FGF1: variants seen among roughly 807,000 people sequenced by gnomAD.
The protein encoded by FGF1 is beta-endothelial cell growth factor.
In FGF1, 9 loss-of-function variants were observed where a neutral mutation model predicts 13.4. That is an observed-to-expected ratio of 0.67 (90% CI 0.40 to 1.17). The LOEUF is 1.17. Among genes scored for constraint, FGF1 ranks in the 50% most tolerant of loss-of-function variants. The probability of loss-of-function intolerance (pLI) is 0.01; values close to 1 mark genes in which losing one functional copy is unlikely to be tolerated. For synonymous variants in FGF1, 93 were observed against 79.0 expected (o/e 1.18, Z -0.94); for missense variants, 156 against 192.7 (o/e 0.81, Z 1.13).
intron 2 of FGF1, chr5:142,601,118 C>T: frequency 1.9e-6 from 1 of 538,094 alleles, no homozygotes. Context: ...TTCTTTCTGT[C>T]ACTTGTAGGA....
chr5:142,667,109 G>A (rs555827360), intron 1 of FGF1, among the ~76,000 whole-genome samples: 6 of 151,882 alleles, frequency 4.0e-5, no homozygotes, highest in African/African-American at 7.2e-5. Flanking sequence ...GTAAAACCCC[G>A]TCTCTACTAA....
intron 1 of FGF1, among the ~76,000 whole-genome samples, chr5:142,650,358 G>A (rs186278504): frequency 2.5e-4 from 38 of 152,332 alleles, no homozygotes; most frequent in Non-Finnish European, 4.6e-4. Context: ...GAACATGGTA[G>A]TTTAAAACGA....
At position 142,614,129 on chromosome 5, in the gene FGF1, G is replaced by T. The variant is rs1759692263; in HGVS notation, c.-2C>A. Reference sequence around the variant, plus strand: ...GGTGGTGATTTCCCCTTCAGCCATGGCTCAGCAGCTGCTGCTTGTGGCGCT... The same window carrying T: ...GGTGGTGATTTCCCCTTCAGCCATGTCTCAGCAGCTGCTGCTTGTGGCGCT... On this transcript the variant is annotated 5_prime_UTR_variant, in exon 2 of 4. Coordinates refer to ENST00000337706, the MANE Select transcript of FGF1 (RefSeq NM_000800.5). The T allele has an allele frequency of 6.2e-7, 1 of 1,613,970 alleles. No individual in the cohort carries two copies. The highest frequency in any genetic ancestry group is 1.3e-5 in the African/African-American group (1 of 74,926).
At chr5:142,634,029 C>CAAAA (rs35294166) in intron 1 of FGF1, among the ~76,000 whole-genome samples, 2 of 144,064 alleles carry the variant, frequency 1.4e-5, no homozygotes, top group African/African-American at 5.2e-5. Flanking sequence ...CTAAAAATAC[C>CAAAA]AAAAAAAAAA....
At chr5:142,637,182 C>A (rs1764403470) in intron 1 of FGF1, among the ~76,000 whole-genome samples, 1 of 151,846 alleles carries the variant, frequency 6.6e-6, no homozygotes, top group Admixed American at 6.5e-5. Flanking sequence ...ACGGTACTGG[C>A]AGATGAACTA....
intron 1 of FGF1, among the ~76,000 whole-genome samples, chr5:142,618,100 A>G (rs1760629311): frequency 6.6e-6 from 1 of 152,188 alleles, no homozygotes; most frequent in Non-Finnish European, 1.5e-5. Context: ...GAAATGGAGA[A>G]GATCAAGCCC....
At chr5:142,595,636 AT>A in intron 3 of FGF1, 152 bp from the exon 4 acceptor site, 1 of 642,950 alleles carries the variant, frequency 1.6e-6, no homozygotes, top group East Asian at 2.7e-5. Flanking sequence ...GGTGGAACTT[AT>A]TTCACAGGGT....
At chr5:142,623,909 T>C (rs1284851727) in intron 1 of FGF1, among the ~76,000 whole-genome samples, 1 of 150,956 alleles carries the variant, frequency 6.6e-6, no homozygotes, top group Non-Finnish European at 1.5e-5. Flanking sequence ...CCACCATGCC[T>C]GGTTAACTTT....
intron 1 of FGF1, chr5:142,671,992 C>T (rs1234268472): frequency 6.6e-6 from 1 of 152,146 alleles, no homozygotes; most frequent in Non-Finnish European, 1.5e-5. Context: ...TTTTCCTAAC[C>T]TAACCCCATT....
intron 2 of FGF1, among the ~76,000 whole-genome samples, chr5:142,606,401 G>A (rs1327957305): frequency 6.6e-6 from 1 of 151,488 alleles, no homozygotes; most frequent in African/African-American, 2.4e-5. Context: ...TAGATCACGA[G>A]GTCAGAAGAT....
At chr5:142,664,008 G>C (rs906418179) in intron 1 of FGF1, among the ~76,000 whole-genome samples, 1 of 152,150 alleles carries the variant, frequency 6.6e-6, no homozygotes, top group Non-Finnish European at 1.5e-5. Context: ...TACCATGGAG[G>C]CTTATGAACT....
chr5:142,654,270 T>C (rs939911124), intron 1 of FGF1, among the ~76,000 whole-genome samples: 2 of 152,232 alleles, frequency 1.3e-5, no homozygotes, highest in African/African-American at 4.8e-5. Flanking sequence ...AAAATGCATT[T>C]AAGTGAACAG....
At chr5:142,607,550 G>A (rs1347226020) in intron 2 of FGF1, among the ~76,000 whole-genome samples, 1 of 152,154 alleles carries the variant, frequency 6.6e-6, no homozygotes, top group African/African-American at 2.4e-5. Flanking sequence ...GTACTCTAAC[G>A]ATAGAAATTT....
rs1754925660 is a variant in FGF1 at position 142,594,854 on chromosome 5, A to T, written c.*436T>A. 1 of 153,984 alleles carries T rather than the reference A, an allele frequency of 6.5e-6. No homozygotes were observed. 9.5% of individuals were successfully genotyped at this position (153,984 alleles called of 1,614,324 possible). A position where few individuals can be genotyped will look rare whatever the true frequency, so the allele number is the denominator to read the frequency against. ...CCTGGCATGAAGCTTCTTTGCTAAT[A>T]TTTGCAGGGCACAGGAAGGACAAAA... On this transcript the variant is annotated 3_prime_UTR_variant, in exon 4 of 4. Transcript: ENST00000337706.
At chr5:142,687,426 G>T (rs11955552), upstream of FGF1, among the ~76,000 whole-genome samples, 1 of 152,158 alleles carries the variant, frequency 6.6e-6, no homozygotes, top group Non-Finnish European at 1.5e-5. Context: ...TCCAATCACG[G>T]ATAAGCAGCA....
chr5:142,664,187 A>G (rs10064637), intron 1 of FGF1, among the ~76,000 whole-genome samples: 46,018 of 152,060 alleles, frequency 0.3, 7,955 homozygotes, highest in African/African-American at 0.48. Context: ...CTGCAGTTAG[A>G]TGCTCCATTG....
chr5:142,600,524 C>T (rs1756286414), intron 3 of FGF1, among the ~76,000 whole-genome samples, 178 bp downstream of exon 3: 1 of 152,176 alleles, frequency 6.6e-6, no homozygotes, highest in African/African-American at 2.4e-5. Context: ...GAGAATACTA[C>T]AAGAAACTCT....
intron 1 of FGF1, among the ~76,000 whole-genome samples, chr5:142,625,927 G>C (rs1243870895): frequency 1.3e-5 from 2 of 152,272 alleles, no homozygotes; most frequent in East Asian, 1.9e-4. Flanking sequence ...AGAAAATTTA[G>C]CTTCTCCAGA....
At chr5:142,658,524 C>T (rs1318201378) in intron 1 of FGF1, among the ~76,000 whole-genome samples, 2 of 152,188 alleles carry the variant, frequency 1.3e-5, no homozygotes, top group Non-Finnish European at 2.9e-5. Flanking sequence ...CAGGATGTGT[C>T]ATGCCTTGGA....
Sources: gnomAD v4.1 joint callset for allele counts (sites outside exome capture counted in the v4.1 genomes callset) on GRCh38, gnomAD v4.1.1 for gene constraint, MANE v1.5 for transcripts, NCBI Gene and HGNC (gene_info 2026-07-23, HGNC 2026-07-21) for gene names.